The following CALB1 variants were observed in gnomAD, a reference collection of about 807,000 sequenced individuals.
CALB1 encodes the protein calbindin 1.
CALB1 carries 16 observed loss-of-function variants against 46.7 expected under a neutral mutation model. The observed-to-expected ratio is 0.34, with a 90% CI of 0.23 to 0.52. CALB1 has a LOEUF of 0.52. Among genes scored for constraint, CALB1 ranks in the 20% least tolerant of loss-of-function variants. CALB1 has a pLI of 0.95. For synonymous variants in CALB1, 90 were observed against 112.8 expected (o/e 0.80, Z 1.28); for missense variants, 224 against 300.3 (o/e 0.75, Z 1.88).
intron 9 of CALB1, chr8:90,062,833 C>T (rs1244625326): frequency 3.2e-6 from 1 of 311,172 alleles, no homozygotes; most frequent in South Asian, 5.4e-5. Context: ...ACAAATTCTG[C>T]ATGATGCCAC....
chr8:90,069,423 G>A (rs540151789), intron 3 of CALB1, among the ~76,000 whole-genome samples, 186 bp from the exon 4 acceptor site: 9 of 152,228 alleles, frequency 5.9e-5, no homozygotes, highest in East Asian at 1.9e-4. Context: ...ATTCTCCAAC[G>A]CTCGTGTGCC....
chr8:90,073,739 G>T (rs1814573078), intron 3 of CALB1, among the ~76,000 whole-genome samples: 2 of 152,124 alleles, frequency 1.3e-5, no homozygotes, highest in Admixed American at 1.3e-4. Context: ...GGCTCATTTG[G>T]CTACTAAATA....
rs1814241166 is a variant in CALB1 at position 90,058,652 on chromosome 8, G to A, written c.*1521C>T. ...TATTTATTCTTAGTAGTTAAATTCA[G>A]TCTAATGGCAGTGCTTCCATTTACA... is the stretch of plus-strand genomic sequence containing the variant. On this transcript the variant is annotated 3_prime_UTR_variant, in exon 11 of 11. Transcript: ENST00000265431. 1 of 152,184 alleles carries A rather than the reference G, an allele frequency of 6.6e-6. No individual in the cohort carries two copies. 9.4% of individuals were successfully genotyped at this position (152,184 alleles called of 1,614,324 possible).
chr8:90,070,265 AC>A (rs1459014766), intron 3 of CALB1, among the ~76,000 whole-genome samples: 1 of 152,120 alleles, frequency 6.6e-6, no homozygotes, highest in Admixed American at 6.5e-5. Flanking sequence ...TAATGAATCT[AC>A]ACACACTATA....
At chr8:90,081,364 C>T in intron 2 of CALB1, 1 of 349,446 alleles carries the variant, frequency 2.9e-6, no homozygotes, top group Non-Finnish European at 4.0e-6. Flanking sequence ...AAATGAAGAT[C>T]TTTTCTTGCT....
intron 3 of CALB1, among the ~76,000 whole-genome samples, chr8:90,073,107 T>G (rs1814563673): frequency 6.6e-6 from 1 of 152,222 alleles, no homozygotes; most frequent in Admixed American, 6.5e-5. Flanking sequence ...TGCACAAATT[T>G]TAGTAAATAT....
Position 90,082,865 on chromosome 8 carries a change from C to T in CALB1, c.-168G>A, listed in dbSNP as rs564881811. The stretch of plus-strand genomic sequence containing the variant: ...GGTGCTGCTCAGCTCAGCGTTCCTC[C>T]AGAGTTCTCTCCCTACACCCCGCAC... On this transcript the variant is annotated 5_prime_UTR_variant, in exon 1 of 11. Transcript: ENST00000265431. The T allele has an allele frequency of 3.1e-4, 199 of 651,170 alleles. 1 individual carries two copies. In the South Asian group the frequency reaches 3.4e-3, roughly 11 times the overall value. 40.3% of individuals were successfully genotyped at this position (651,170 alleles called of 1,614,324 possible).
At chr8:90,073,075 T>A (rs190080572) in intron 3 of CALB1, among the ~76,000 whole-genome samples, 13 of 152,340 alleles carry the variant, frequency 8.5e-5, no homozygotes, top group African/African-American at 3.1e-4. Context: ...GTGTCTTATT[T>A]ACTGTTTTGT....
At chr8:90,081,700 T>C (rs1814734691) in intron 2 of CALB1, among the ~76,000 whole-genome samples, 1 of 152,126 alleles carries the variant, frequency 6.6e-6, no homozygotes, top group South Asian at 2.1e-4. Context: ...TATATATATA[T>C]TTAAAGCTCC....
intron 1 of CALB1, chr8:90,082,358 C>T: frequency 3.3e-6 from 2 of 602,718 alleles, no homozygotes; most frequent in Non-Finnish European, 2.9e-6. Context: ...ATTCCCCAAT[C>T]CCTGCTCTCT....
chr8:90,062,349 A>G (rs1042686339), intron 9 of CALB1: 2 of 152,090 alleles, frequency 1.3e-5, no homozygotes, highest in African/African-American at 4.8e-5. Context: ...GCGAGACTAC[A>G]TCAAACTAAA....
At chr8:90,075,531 T>C (rs908540978) in intron 3 of CALB1, among the ~76,000 whole-genome samples, 1 of 152,172 alleles carries the variant, frequency 6.6e-6, no homozygotes, top group African/African-American at 2.4e-5. Context: ...ATTTGTGTTC[T>C]ATATTATTTA....
In CALB1 at chr8:90,063,123, T is replaced by C; in HGVS notation, c.577A>G (p.Lys193Glu). The C allele has an allele frequency of 1.9e-6, 3 of 1,609,038 alleles. No homozygotes were observed. The highest frequency in any genetic ancestry group is 2.6e-6 in the Non-Finnish European group (3 of 1,176,256). ...ACCTGATCATACAGCTCAAAAGCCT[T>C]ATTGAACTCTTTCCCACACATTTTG... ...GIKMCGKEFN[K>E]AFELYDQDGN... The change falls in exon 9 of 11, where the codon AAG becomes GAG. Residue 193 changes from lysine to glutamate, a missense_variant. Lys to Glu is a moderately conservative substitution (Grantham distance 56). Coordinates refer to ENST00000265431, the MANE Select transcript of CALB1 (RefSeq NM_004929.4).
chr8:90,060,226 C>T lies in CALB1; in HGVS notation c.733G>A (p.Gly245Arg). ...KKNIMALSDG[G>R]KLYRTDLALI... is the part of the protein sequence containing the mutation. The stretch of plus-strand genomic sequence containing the variant: ...GCAAGATCCGTTCGGTACAGCTTCC[C>T]TCCATCCGACAAAGCCATTATGTTC... The change falls in exon 11 of 11, where the codon GGG becomes AGG. Residue 245 changes from glycine to arginine, a missense_variant. Transcript: ENST00000265431. 1 of 1,613,800 alleles carries T rather than the reference C, an allele frequency of 6.2e-7. No individual in the cohort carries two copies. Among genetic ancestry groups the T allele is most frequent in the Non-Finnish European group, 8.5e-7 (1 of 1,179,714 alleles).
At chr8:90,071,947 G>C (rs183959743) in intron 3 of CALB1, among the ~76,000 whole-genome samples, 4 of 152,264 alleles carry the variant, frequency 2.6e-5, no homozygotes, top group Admixed American at 2.6e-4. Flanking sequence ...TGAATGCCCA[G>C]CATGGTATCT....
At chr8:90,078,886 A>G (rs1369645170) in intron 2 of CALB1, among the ~76,000 whole-genome samples, 1 of 152,018 alleles carries the variant, frequency 6.6e-6, no homozygotes, top group Non-Finnish European at 1.5e-5. Flanking sequence ...GGAGAGTAAT[A>G]TATGTTTTCA....
At chr8:90,069,772 A>G (rs769645637) in intron 3 of CALB1, among the ~76,000 whole-genome samples, 2 of 152,132 alleles carry the variant, frequency 1.3e-5, no homozygotes, top group Non-Finnish European at 2.9e-5. Flanking sequence ...ACCAAAGACA[A>G]TCGTAAGGCA....
intron 5 of CALB1, 100 bp downstream of exon 5, chr8:90,068,898 A>G (rs1258482320): frequency 2.6e-6 from 2 of 782,844 alleles, no homozygotes; most frequent in African/African-American, 3.5e-5. Flanking sequence ...ACTGTTCAAC[A>G]TTAGTTTCTT....
At chr8:90,072,911 A>G (rs1302430193) in intron 3 of CALB1, among the ~76,000 whole-genome samples, 1 of 152,142 alleles carries the variant, frequency 6.6e-6, no homozygotes, top group East Asian at 1.9e-4. Context: ...CAAGGGGATG[A>G]GTGGAAGGCA....
Sources: gnomAD v4.1 joint callset for allele counts (sites outside exome capture counted in the v4.1 genomes callset) on GRCh38, gnomAD v4.1.1 for gene constraint, MANE v1.5 for transcripts, NCBI Gene and HGNC (gene_info 2026-07-23, HGNC 2026-07-21) for gene names.